Variants in G6PC3 observed in about 807,000 individuals in gnomAD.
The protein encoded by G6PC3 is glucose-6-phosphatase 3.
In G6PC3, 30 loss-of-function variants were observed where a neutral mutation model predicts 38.6. That is an observed-to-expected ratio of 0.78 (90% CI 0.58 to 1.05). The LOEUF (loss-of-function observed/expected upper bound fraction) is 1.05, where lower values mean the gene tolerates loss of function less well. Among genes scored for constraint, G6PC3 ranks in the 50% least tolerant of loss-of-function variants. The pLI is 0.00. For synonymous variants in G6PC3, 192 were observed against 178.1 expected (o/e 1.08, Z -0.62); for missense variants, 377 against 443.1 (o/e 0.85, Z 1.34).
chr17:44,076,324 T>A lies in G6PC3; in HGVS notation c.*281T>A, dbSNP rs2050113386. 1 of 650,034 alleles carries A rather than the reference T, an allele frequency of 1.5e-6. No individual in the cohort carries two copies. The highest frequency in any genetic ancestry group is 2.8e-6 in the Non-Finnish European group (1 of 353,012). 40.3% of individuals were successfully genotyped at this position (650,034 alleles called of 1,614,324 possible). A position where few individuals can be genotyped will look rare whatever the true frequency, so the allele number is the denominator to read the frequency against. ...TGAGGGGCAGCCAGGGCGGCCCCAA[T>A]AAAGCCCTTGAATACTTTGAGATTC... On this transcript the variant is annotated 3_prime_UTR_variant, in exon 6 of 6. Transcript: ENST00000269097.
rs140585667 is a variant in G6PC3 at position 44,071,131 on chromosome 17, G to A, written c.166G>A (p.Ala56Thr). 1.1e-5 allele frequency: 17 copies of A among 1,613,874 alleles called. No individual in the cohort carries two copies. In the African/African-American group the frequency reaches 2.3e-4, roughly 22 times the overall value. ...CTACGCCTCCCGCCGTGTGGGCATCGCGGTGCTCTGGATCAGCCTCATCAC... is the reference window on the plus strand; with the variant it reads ...CTACGCCTCCCGCCGTGTGGGCATCACGGTGCTCTGGATCAGCCTCATCAC... ...AYYASRRVGIAVLWISLITEW... is the reference protein window; with the variant it reads ...AYYASRRVGITVLWISLITEW... Residue 56 changes from alanine (A) to threonine (T), a missense_variant, in exon 1 of 6, where the codon GCG becomes ACG. Coordinates refer to ENST00000269097, the MANE Select transcript of G6PC3 (RefSeq NM_138387.4).
Position 44,076,151 on chromosome 17 carries a change from C to A in G6PC3, c.*108C>A. Reference sequence around the variant, plus strand: ...CTTCCAGCCCCTAAGTAGGCCCTCCCCTCCCTAAATCTGCTTCCGCACCAC... The same window carrying A: ...CTTCCAGCCCCTAAGTAGGCCCTCCACTCCCTAAATCTGCTTCCGCACCAC... On this transcript the variant is annotated 3_prime_UTR_variant, in exon 6 of 6. Coordinates refer to ENST00000269097, the MANE Select transcript of G6PC3 (RefSeq NM_138387.4). 1 of 1,438,978 alleles carries A rather than the reference C, an allele frequency of 6.9e-7. No individual in the cohort carries two copies. The highest frequency in any genetic ancestry group is 9.7e-7 in the Non-Finnish European group (1 of 1,034,804). 89.1% of individuals were successfully genotyped at this position (1,438,978 alleles called of 1,614,324 possible).
chr17:44,076,176 C>T lies in G6PC3; in HGVS notation c.*133C>T. On this transcript the variant is annotated 3_prime_UTR_variant, in exon 6 of 6. Transcript: ENST00000269097. Reference sequence around the variant, plus strand: ...CCTCCCTAAATCTGCTTCCGCACCACCTGGTCTTAGCCCCAAAGATGGGCC... The same window carrying T: ...CCTCCCTAAATCTGCTTCCGCACCATCTGGTCTTAGCCCCAAAGATGGGCC... The T allele has an allele frequency of 8.2e-7, 1 of 1,221,470 alleles. No individual in the cohort carries two copies. The allele number at this position is 1,221,470 out of a possible 1,614,324, so 75.7% of individuals were successfully genotyped here.
Position 44,071,185 on chromosome 17 carries a change from T to G in G6PC3, c.218+2T>G, listed in dbSNP as rs747508165. On this transcript the variant is annotated splice_donor_variant, in intron 1 of 5. Coordinates refer to ENST00000269097, the MANE Select transcript of G6PC3 (RefSeq NM_138387.4). LOFTEE classifies it high-confidence loss of function. The stretch of plus-strand genomic sequence containing the variant: ...GTGGCTCAACCTCATCTTCAAGTGG[T>G]GAGACAGAGAAGCCCTCCGGCATCC... 6.2e-7 allele frequency: 1 copy of G among 1,612,626 alleles called. No homozygotes were observed. The highest frequency in any genetic ancestry group is 2.2e-5 in the East Asian group (1 of 44,880).
intron 1 of G6PC3, chr17:44,073,120 C>T (rs2050013205): frequency 6.6e-6 from 1 of 152,214 alleles, no homozygotes; most frequent in Admixed American, 6.6e-5. Context: ...TTCCCAGGGC[C>T]CAGCCAAGCA....
At position 44,074,960 on chromosome 17, in the gene G6PC3, T is replaced by C. The variant is rs759937203; in HGVS notation, c.417-9T>C. On this transcript the variant is annotated splice_polypyrimidine_tract_variant and intron_variant, in intron 3 of 5. Coordinates refer to ENST00000269097, the MANE Select transcript of G6PC3 (RefSeq NM_138387.4). The stretch of plus-strand genomic sequence containing the variant: ...CACGCTCTGAGCTCCTTGCCTCTCT[T>C]CTTTCTAGCCGCTGGGTAAGGGTGA... The C allele has an allele frequency of 5.0e-6, 8 of 1,612,166 alleles. No homozygotes were observed. Among genetic ancestry groups the C allele is most frequent in the Non-Finnish European group, 6.8e-6 (8 of 1,178,142 alleles).
chr17:44,075,576 AG>A, intron 5 of G6PC3, 103 bp from the exon 6 acceptor site: 2 of 1,600,108 alleles, frequency 1.2e-6, no homozygotes, highest in Non-Finnish European at 1.7e-6. Flanking sequence ...AGACCCTCAC[AG>A]GCACAAAACA....
Position 44,071,105 on chromosome 17 carries a change from A to C in G6PC3, c.140A>C (p.Tyr47Ser), listed in dbSNP as rs1474226570. The C allele has an allele frequency of 1.2e-6, 2 of 1,614,014 alleles. No homozygotes were observed. Among genetic ancestry groups the C allele is most frequent in the Non-Finnish European group, 1.7e-6 (2 of 1,179,974 alleles). ...TTTCTGTTCTACTTCCCCGCGGCCT[A>C]CTACGCCTCCCGCCGTGTGGGCATC... ...ILFLFYFPAA[Y>S]YASRRVGIAV... The change falls in exon 1 of 6, where the codon TAC becomes TCC. Residue 47 changes from tyrosine (Y) to serine (S), a missense_variant. By Grantham distance (144) the Tyr-to-Ser change is moderately radical (BLOSUM62 -2). Transcript: ENST00000269097.
intron 1 of G6PC3, chr17:44,073,134 GCTAGACCAGA>G (rs1326692800): frequency 6.6e-6 from 1 of 152,232 alleles, no homozygotes; most frequent in East Asian, 1.9e-4. Flanking sequence ...CCAAGCACTT[GCTAGACCAGA>G]GGATTTTGAC....
rs756204705 is a variant in G6PC3 at position 44,070,811 on chromosome 17, T to A, written c.-155T>A. 21 of 792,582 alleles carry A rather than the reference T, an allele frequency of 2.6e-5. No homozygotes were observed. In the East Asian group the frequency reaches 5.6e-4, roughly 21 times the overall value. 49.1% of individuals were successfully genotyped at this position (792,582 alleles called of 1,614,324 possible). A position where few individuals can be genotyped will look rare whatever the true frequency, so the allele number is the denominator to read the frequency against. On this transcript the variant is annotated 5_prime_UTR_variant, in exon 1 of 6. Coordinates refer to ENST00000269097, the MANE Select transcript of G6PC3 (RefSeq NM_138387.4). ...GGCCGGTCTTGCAGGAGCGGGGGACTGCTGGGGGCGGGGCTTGGTGGTGAC... is the reference window on the plus strand; with the variant it reads ...GGCCGGTCTTGCAGGAGCGGGGGACAGCTGGGGGCGGGGCTTGGTGGTGAC...
intron 1 of G6PC3, chr17:44,073,827 C>A (rs1483436156): frequency 2.9e-6 from 1 of 343,760 alleles, no homozygotes; most frequent in African/African-American, 2.1e-5. Context: ...CTCCTGGCTT[C>A]AAGTGATCCT....
At chr17:44,071,295 C>G in intron 1 of G6PC3, 112 bp downstream of exon 1, 1 of 1,507,714 alleles carries the variant, frequency 6.6e-7, no homozygotes, top group Non-Finnish European at 8.9e-7. Flanking sequence ...CACCCCTACT[C>G]TGTAGTCCCT....
rs775412203 is a variant in G6PC3, at chr17:44,074,762, G to A, written c.408G>A (p.Arg136=). The A allele has an allele frequency of 8.1e-6, 13 of 1,613,858 alleles. No homozygotes were observed. In the South Asian group the frequency reaches 1.3e-4, roughly 16 times the overall value. ...MTALSSQVAT[R]ARSRWVRVMP... is the part of the protein sequence containing the mutation. ...CCCTGTCTTCGCAGGTGGCCACTCG[G>A]GCCCGCAGGTATACCCTTGGCATTG... Residue 136 remains arginine, a synonymous_variant, in exon 3 of 6, where the codon CGG becomes CGA. Coordinates refer to ENST00000269097, the MANE Select transcript of G6PC3 (RefSeq NM_138387.4).
intron 1 of G6PC3, chr17:44,073,436 C>G (rs527684567): frequency 6.5e-6 from 1 of 153,138 alleles, no homozygotes; most frequent in Non-Finnish European, 1.5e-5. Flanking sequence ...TCTCTTGCCT[C>G]TGTATCAGTT....
chr17:44,070,753 A>G lies in G6PC3; in HGVS notation c.-213A>G, dbSNP rs1414365115. The G allele has an allele frequency of 1.6e-6, 1 of 637,764 alleles. No homozygotes were observed. The highest frequency in any genetic ancestry group is 4.2e-4 in the Middle Eastern group (1 of 2,402). The allele number at this position is 637,764 out of a possible 1,614,324, so 39.5% of individuals were successfully genotyped here. A position where few individuals can be genotyped will look rare whatever the true frequency, so the allele number is the denominator to read the frequency against. ...GCTGCCCAGTAGGGAGGAAAACCGGAGGAGAGCGCAGGAGGAAACAGTACC... is the reference window on the plus strand; with the variant it reads ...GCTGCCCAGTAGGGAGGAAAACCGGGGGAGAGCGCAGGAGGAAACAGTACC... On this transcript the variant is annotated 5_prime_UTR_variant, in exon 1 of 6. Coordinates refer to ENST00000269097, the MANE Select transcript of G6PC3 (RefSeq NM_138387.4).
rs745791742 is a variant in G6PC3, at chr17:44,076,102, C to T, written c.*59C>T. On this transcript the variant is annotated 3_prime_UTR_variant, in exon 6 of 6. Transcript: ENST00000269097. ...CAAAGCCAACACTCTGTGACCACCA[C>T]ACTCCAGGAGGCAGCCCCATCCCCT... is the stretch of plus-strand genomic sequence containing the variant. The T allele has an allele frequency of 1.9e-5, 30 of 1,602,708 alleles. No homozygotes were observed. The African/African-American group carries it at 3.6e-4, about 19-fold the overall frequency.
At chr17:44,072,134 A>C (rs1422889740) in intron 1 of G6PC3, 1 of 205,928 alleles carries the variant, frequency 4.9e-6, no homozygotes, top group Non-Finnish European at 1.0e-5. Flanking sequence ...CGAGGGCCTC[A>C]TCCTTATGTA....
rs750695182 is a variant in G6PC3, at chr17:44,075,928, T to G, written c.926T>G (p.Phe309Cys). 1.2e-5 allele frequency: 20 copies of G among 1,613,164 alleles called. No homozygotes were observed. Among genetic ancestry groups the G allele is most frequent in the Non-Finnish European group, 1.7e-5 (20 of 1,180,026 alleles). ...GGCCACCCCCCTCAGATCAGCCTCTTCTACATTTTCAATTTCCTCAAGTAC... is the reference window on the plus strand; with the variant it reads ...GGCCACCCCCCTCAGATCAGCCTCTGCTACATTTTCAATTTCCTCAAGTAC... Reference protein sequence around the residue: ...WLGHPPQISLFYIFNFLKYTL... With the variant: ...WLGHPPQISLCYIFNFLKYTL... The change falls in exon 6 of 6, where the codon TTC (phenylalanine) becomes TGC (cysteine). Residue 309 changes from phenylalanine (F) to cysteine (C), a missense_variant. Transcript: ENST00000269097.
Position 44,075,339 on chromosome 17 carries a change from C to T in G6PC3, c.565C>T (p.Arg189Ter), listed in dbSNP as rs745582203. The stretch of plus-strand genomic sequence containing the variant: ...TGTCCTGGGCTGGCTGATGACTCCC[C>T]GAGTGCCTATGGAGCGGGAGCTAAG... ...GAVLGWLMTPRVPMERELSFY... is the reference protein window; with the variant it reads ...GAVLGWLMTP The change falls in exon 5 of 6, where the codon CGA becomes TGA. Residue 189 changes from arginine to a stop codon, truncating the protein, a stop_gained. Transcript: ENST00000269097. LOFTEE classifies it high-confidence loss of function. 55 of 1,614,052 alleles carry T rather than the reference C, an allele frequency of 3.4e-5. No homozygotes were observed. The highest frequency in any genetic ancestry group is 4.2e-5 in the Non-Finnish European group (50 of 1,180,034).
Sources: allele counts gnomAD v4.1 joint callset, GRCh38; gene constraint gnomAD v4.1.1; transcripts MANE v1.5; gene names NCBI Gene and HGNC (gene_info 2026-07-23, HGNC 2026-07-21).